SLC14A2: variants seen among roughly 807,000 people sequenced by gnomAD.
SLC14A2 encodes the protein urea transporter 2.
SLC14A2 carries 91 observed loss-of-function variants against 104.6 expected under a neutral mutation model. The ratio of observed to expected loss-of-function variants is 0.87; its 90% confidence interval spans 0.73 to 1.04. SLC14A2 has a LOEUF of 1.04. Ranked by LOEUF, SLC14A2 falls within the 50% of genes least tolerant of loss-of-function variation. The probability of loss-of-function intolerance (pLI) is 0.00; values close to 1 mark genes in which losing one functional copy is unlikely to be tolerated. For synonymous variants in SLC14A2, 476 were observed against 466.4 expected, an observed-to-expected ratio of 1.02 and a Z score of -0.27; for missense variants, 1,189 against 1,156.0, an observed-to-expected ratio of 1.03 and a Z score of -0.41.
At chr18:45,427,363 C>T (rs756984784) in intron 1 of SLC14A2, among the ~76,000 whole-genome samples, 2 of 152,164 alleles carry the variant, frequency 1.3e-5, no homozygotes, top group Non-Finnish European at 2.9e-5. Flanking sequence ...TGGGACCACA[C>T]ACTTACACAT....
rs536494604 is a variant in SLC14A2, at chr18:45,496,138, C to T, written c.-35+12816C>T. 1.4e-4 allele frequency among the ~76,000 whole-genome samples: 22 copies of T among 152,274 alleles called. No homozygotes were observed. The South Asian group carries it at 4.6e-3, about 32-fold the overall frequency. On this transcript the variant is annotated intron_variant, in intron 2 of 20. Transcript: ENST00000586448. ...AGGGCAACTTGATCCCTAATAGTAG[C>T]GGCAAATGTGAACAAACTCAATTCT...
At chr18:45,381,885 C>T (rs888783135) in intron 1 of SLC14A2, among the ~76,000 whole-genome samples, 1 of 152,060 alleles carries the variant, frequency 6.6e-6, no homozygotes, top group Non-Finnish European at 1.5e-5. Context: ...AACCATTTTA[C>T]ATGCAGTCCA....
At chr18:45,387,687 G>T (rs764910654) in intron 1 of SLC14A2, among the ~76,000 whole-genome samples, 4 of 152,174 alleles carry the variant, frequency 2.6e-5, no homozygotes, top group Non-Finnish European at 5.9e-5. Flanking sequence ...TGGGGACAGG[G>T]TCGAACTTTA....
chr18:45,172,191 G>C, the SLC14A2 span, among the ~76,000 whole-genome samples: 3 of 152,112 alleles, frequency 2.0e-5, no homozygotes, highest in Non-Finnish European at 4.4e-5. Flanking sequence ...CCTAGCAGTA[G>C]CTCATGTGAC....
chr18:45,590,318 A>G (rs1430704323), intron 2 of SLC14A2, among the ~76,000 whole-genome samples: 1 of 152,102 alleles, frequency 6.6e-6, no homozygotes, highest in Admixed American at 6.5e-5. Context: ...GCTGCTGACA[A>G]CATTGTTTTT....
At chr18:45,287,754 G>A (rs946592205) in intron 1 of SLC14A2, among the ~76,000 whole-genome samples, 9 of 152,014 alleles carry the variant, frequency 5.9e-5, no homozygotes, top group South Asian at 2.1e-4. Context: ...CCTGCTTCTC[G>A]AGCCATTCGG....
At chr18:45,411,076 G>A (rs1166444072) in intron 1 of SLC14A2, among the ~76,000 whole-genome samples, 1 of 152,218 alleles carries the variant, frequency 6.6e-6, no homozygotes, top group Non-Finnish European at 1.5e-5. Flanking sequence ...GATGTGATAA[G>A]AAGCTTGCAG....
chr18:45,508,178 G>A (rs2043312751), intron 2 of SLC14A2, among the ~76,000 whole-genome samples: 1 of 152,310 alleles, frequency 6.6e-6, no homozygotes, highest in African/African-American at 2.4e-5. Flanking sequence ...TTCCTGTGTT[G>A]ACTTGTTTAC....
chr18:45,421,151 A>G (rs2086342049), intron 1 of SLC14A2, among the ~76,000 whole-genome samples: 1 of 152,170 alleles, frequency 6.6e-6, no homozygotes, highest in African/African-American at 2.4e-5. Flanking sequence ...TTTAAAGTGA[A>G]TCAAGAACCT....
rs72437878 is a variant in SLC14A2, at chr18:45,678,954, C to CTTTTT, written c.2513-9_2513-5dup. 1,255 of 1,435,174 alleles carry CTTTTT rather than the reference C, an allele frequency of 8.7e-4. 10 individuals are homozygous for CTTTTT. Among genetic ancestry groups the CTTTTT allele is most frequent in the East Asian group, 2.1e-3 (88 of 41,100 alleles). 88.9% of individuals were successfully genotyped at this position (1,435,174 alleles called of 1,614,324 possible). ...TAAATAGTTACTGGTCTATTTCTTT[C>CTTTTT]TTTTTTTTTTTTTTTTCTAGCACTG... On this transcript the variant is annotated intron_variant, in intron 18 of 19. Coordinates refer to ENST00000255226, the MANE Select transcript of SLC14A2 (RefSeq NM_007163.4).
chr18:45,638,527 G>T (rs956002456), intron 6 of SLC14A2, among the ~76,000 whole-genome samples: 3 of 152,050 alleles, frequency 2.0e-5, no homozygotes, highest in African/African-American at 7.2e-5. Context: ...ATCTCCCATC[G>T]CACACTAGAC....
intron 1 of SLC14A2, among the ~76,000 whole-genome samples, chr18:45,366,679 G>A (rs2085668965): frequency 6.6e-6 from 1 of 152,118 alleles, no homozygotes; most frequent in Non-Finnish European, 1.5e-5. Flanking sequence ...GCCCCACCAG[G>A]ACCCATGCGT....
chr18:45,174,102 C>T, the SLC14A2 span, among the ~76,000 whole-genome samples: 1 of 152,122 alleles, frequency 6.6e-6, no homozygotes, highest in Non-Finnish European at 1.5e-5. Flanking sequence ...CCTCCCACCC[C>T]AGGGCAGCCC....
intron 2 of SLC14A2, among the ~76,000 whole-genome samples, chr18:45,538,383 C>G (rs903280256): frequency 7.9e-5 from 12 of 152,198 alleles, no homozygotes; most frequent in African/African-American, 2.7e-4. Context: ...TTTGCTGGCT[C>G]TGGCTTAGAG....
At chr18:45,214,908 T>C (rs1255001946) in intron 1 of SLC14A2, among the ~76,000 whole-genome samples, 1 of 79,594 alleles carries the variant, frequency 1.3e-5, no homozygotes, top group African/African-American at 5.3e-5. Context: ...TATCGGACCA[T>C]GTCTTTAAAA....
At position 45,408,650 on chromosome 18, in the gene SLC14A2, G is replaced by A. The variant is rs143913008; in HGVS notation, c.-124-74583G>A. On this transcript the variant is annotated intron_variant, in intron 1 of 20. Transcript: ENST00000586448. ...TAATGAGGCCATTAATTAATACAGC[G>A]GGGAAGTCTGCAATTCTTATCTGTG... 1.0e-3 allele frequency among the ~76,000 whole-genome samples: 159 copies of A among 152,214 alleles called. 1 individual carries two copies. In the East Asian group the frequency reaches 0.015, roughly 14 times the overall value.
At chr18:45,237,572 G>A (rs555094040) in intron 1 of SLC14A2, among the ~76,000 whole-genome samples, 40 of 152,318 alleles carry the variant, frequency 2.6e-4, no homozygotes, top group Admixed American at 1.5e-3. Flanking sequence ...GTGGCGAATC[G>A]TAAATCCTCC....
chr18:45,610,967 G>A (rs936052306), upstream of SLC14A2, among the ~76,000 whole-genome samples: 5 of 152,166 alleles, frequency 3.3e-5, no homozygotes, highest in South Asian at 2.1e-4. Flanking sequence ...TACTGCCTGC[G>A]ATGACCCTAA....
At chr18:45,659,807 A>C (rs1320808282) in intron 10 of SLC14A2, among the ~76,000 whole-genome samples, 1 of 152,240 alleles carries the variant, frequency 6.6e-6, no homozygotes, top group Non-Finnish European at 1.5e-5. Context: ...ATATCTAATG[A>C]CTTTGTCCAT....
Sources: gnomAD v4.1 joint callset for allele counts (sites outside exome capture counted in the v4.1 genomes callset) on GRCh38, gnomAD v4.1.1 for gene constraint, MANE v1.5 for transcripts, NCBI Gene and HGNC (gene_info 2026-07-23, HGNC 2026-07-21) for gene names.